The following CCDC171 variants were observed in gnomAD, a reference collection of about 807,000 sequenced individuals.
CCDC171 encodes coiled-coil domain containing 171, also known as coiled-coil domain-containing protein 171.
Under a neutral mutation model 168.2 loss-of-function variants are expected in CCDC171, and 177 were observed. That is an observed-to-expected ratio of 1.05 (90% CI 0.93 to 1.19). The LOEUF is 1.19. Ranked by LOEUF, CCDC171 falls within the 50% of genes most tolerant of loss-of-function variation. The pLI, the probability that CCDC171 is intolerant of heterozygous loss-of-function variation, is 0.00. For synonymous variants in CCDC171, 687 were observed against 540.8 expected (o/e 1.27, Z -3.75); for missense variants, 1,991 against 1,539.0 (o/e 1.29, Z -4.91).
intron 23 of CCDC171, among the ~76,000 whole-genome samples, chr9:15,852,554 A>C (rs180756157): frequency 2.7e-4 from 41 of 151,780 alleles, no homozygotes; most frequent in African/African-American, 8.7e-4. Flanking sequence ...CTATTTAAAT[A>C]GTGTCCTTTC....
intron 23 of CCDC171, among the ~76,000 whole-genome samples, chr9:15,854,297 G>C (rs187101770): frequency 6.6e-6 from 1 of 151,316 alleles, no homozygotes; most frequent in East Asian, 1.9e-4. Flanking sequence ...TTCAGATTTT[G>C]TGTTTCTTTT....
At chr9:15,557,425 G>C (rs999807251) in intron 1 of CCDC171, among the ~76,000 whole-genome samples, 2 of 152,002 alleles carry the variant, frequency 1.3e-5, no homozygotes, top group Non-Finnish European at 2.9e-5. Flanking sequence ...GTTGAGCAGT[G>C]GTTTGTAGTT....
Position 15,793,551 on chromosome 9 carries a change from GTTTTTTTTTTT to G in CCDC171, c.3267+8876_3267+8886del, listed in dbSNP as rs3082839. On this transcript the variant is annotated intron_variant, in intron 21 of 25. Transcript: ENST00000380701. Reference sequence around the variant, plus strand: ...AGCACCACATCGCACTTATTCCAAGGTTTTTTTTTTTTTTTTTTTTTTTTTTTTTGAGACAG... The same window carrying G: ...AGCACCACATCGCACTTATTCCAAGGTTTTTTTTTTTTTTTTTTGAGACAG... 1.2e-3 allele frequency among the ~76,000 whole-genome samples: 93 copies of G among 77,054 alleles called. 1 individual carries two copies. The highest frequency in any genetic ancestry group is 4.3e-3 in the African/African-American group (67 of 15,542). 50.6% of individuals were successfully genotyped at this position (77,054 alleles called of 152,430 possible). A position where few individuals can be genotyped will look rare whatever the true frequency, so the allele number is the denominator to read the frequency against.
Position 15,896,304 on chromosome 9 carries a change from A to T in CCDC171, c.3600+21641A>T, listed in dbSNP as rs905194135. The stretch of plus-strand genomic sequence containing the variant: ...AAGTTTAGAGTCTAAACAAGATACA[A>T]AGAAAACATCATTTAAAAAAAGTCT... On this transcript the variant is annotated intron_variant, in intron 24 of 25. Transcript: ENST00000380701. 2.6e-5 allele frequency among the ~76,000 whole-genome samples: 4 copies of T among 152,010 alleles called. No homozygotes were observed. In the South Asian group the frequency reaches 6.2e-4, roughly 24 times the overall value.
intron 2 of CCDC171, among the ~76,000 whole-genome samples, chr9:15,564,706 A>C (rs575063065): frequency 6.6e-5 from 10 of 152,350 alleles, no homozygotes; most frequent in Non-Finnish European, 1.3e-4. Flanking sequence ...TCTATAATAC[A>C]AAACTGGACC....
chr9:15,945,636 G>A (rs199975984), intron 25 of CCDC171, among the ~76,000 whole-genome samples: 2 of 143,726 alleles, frequency 1.4e-5, no homozygotes, highest in African/African-American at 2.5e-5. Flanking sequence ...GCCAGTGATG[G>A]TGAGCATTTT....
intron 11 of CCDC171, 88 bp downstream of exon 11, chr9:15,695,425 C>T (rs2051140521): frequency 1.1e-6 from 1 of 876,000 alleles, no homozygotes; most frequent in Non-Finnish European, 1.9e-6. Context: ...CTCTTGTAGT[C>T]CCTCATCTCA....
intron 7 of CCDC171, among the ~76,000 whole-genome samples, chr9:15,635,552 G>T (rs1481207892): frequency 6.6e-6 from 1 of 152,112 alleles, no homozygotes; most frequent in Non-Finnish European, 1.5e-5. Flanking sequence ...GCTGGCAGCT[G>T]ATTAGATGGT....
intron 7 of CCDC171, among the ~76,000 whole-genome samples, chr9:15,653,827 G>A (rs1391549975): frequency 6.6e-6 from 1 of 151,818 alleles, no homozygotes; most frequent in East Asian, 1.9e-4. Flanking sequence ...CTGTTGCCCA[G>A]GCTGGTCTCA....
chr9:15,952,451 A>T (rs200078108), intron 25 of CCDC171, among the ~76,000 whole-genome samples: 1 of 152,064 alleles, frequency 6.6e-6, no homozygotes, highest in Non-Finnish European at 1.5e-5. Flanking sequence ...AGGCTGGAGT[A>T]CAATGGCGTG....
intron 6 of CCDC171, among the ~76,000 whole-genome samples, chr9:15,601,164 C>T (rs144888052): frequency 0.011 from 1,656 of 152,282 alleles, 15 homozygotes; most frequent in South Asian, 0.017. Context: ...TCTGACAATC[C>T]TCAGTGAGAT....
Position 16,030,855 on chromosome 9 carries a change from C to T in CCDC171, n.999-4602C>T, listed in dbSNP as rs188135896. ...AACTCCTGGCTTTCCATCTGGGGAA[C>T]GCAGATATTTTTTTCAAGAGGGTGG... On this transcript the variant is annotated intron_variant and non_coding_transcript_variant, in intron 6 of 9. Transcript: ENST00000486641. 7.2e-5 allele frequency among the ~76,000 whole-genome samples: 11 copies of T among 152,226 alleles called. No homozygotes were observed. In the East Asian group the frequency reaches 2.1e-3, roughly 29 times the overall value.
chr9:15,771,483 A>G (rs186023674), intron 18 of CCDC171, among the ~76,000 whole-genome samples: 167 of 152,290 alleles, frequency 1.1e-3, no homozygotes, highest in Middle Eastern at 3.4e-3. Flanking sequence ...CATATTCTAC[A>G]AATGATCATA....
chr9:15,774,454 T>A (rs2057195276), intron 18 of CCDC171, among the ~76,000 whole-genome samples: 1 of 151,754 alleles, frequency 6.6e-6, no homozygotes. Flanking sequence ...AAATAAAAAA[T>A]CATAGATGTT....
intron 18 of CCDC171, among the ~76,000 whole-genome samples, chr9:15,749,711 C>G (rs1382039698): frequency 1.3e-5 from 2 of 152,142 alleles, no homozygotes; most frequent in Non-Finnish European, 2.9e-5. Flanking sequence ...ACAACCTGCT[C>G]CTGAATGACT....
intron 20 of CCDC171, among the ~76,000 whole-genome samples, chr9:15,783,336 G>A (rs2057764185): frequency 6.6e-6 from 1 of 152,118 alleles, no homozygotes; most frequent in Non-Finnish European, 1.5e-5. Context: ...GACAAAGTCT[G>A]TATTCAGTTA....
At chr9:15,976,277 A>T (rs1043370104), downstream of CCDC171, among the ~76,000 whole-genome samples, 1 of 152,180 alleles carries the variant, frequency 6.6e-6, no homozygotes, top group African/African-American at 2.4e-5. Context: ...ATATTAGCAA[A>T]CAGAGAAAAT....
rs2132829650 is a variant in CCDC171, at chr9:15,972,682, C to G, written c.*846C>G. 6.6e-6 allele frequency: 1 copy of G among 152,198 alleles called. No individual in the cohort carries two copies. Among genetic ancestry groups the G allele is most frequent in the African/African-American group, 2.4e-5 (1 of 41,526 alleles). 9.4% of individuals were successfully genotyped at this position (152,198 alleles called of 1,614,324 possible). A position where few individuals can be genotyped will look rare whatever the true frequency, so the allele number is the denominator to read the frequency against. Reference sequence around the variant, plus strand: ...TGGCTGTTTTGACCTTCAAAATAGACTCCTTTTTTGTTTTTGTTGTTGGTA... The same window carrying G: ...TGGCTGTTTTGACCTTCAAAATAGAGTCCTTTTTTGTTTTTGTTGTTGGTA... On this transcript the variant is annotated 3_prime_UTR_variant, in exon 26 of 26. Coordinates refer to ENST00000380701, the MANE Select transcript of CCDC171 (RefSeq NM_173550.4).
chr9:15,782,523 G>A (rs2057718446), intron 20 of CCDC171, among the ~76,000 whole-genome samples: 1 of 152,140 alleles, frequency 6.6e-6, no homozygotes. Flanking sequence ...GGGAACACAC[G>A]TTCTGTTAAA....
Sources: gnomAD v4.1 joint callset for allele counts (sites outside exome capture counted in the v4.1 genomes callset) on GRCh38, gnomAD v4.1.1 for gene constraint, MANE v1.5 for transcripts, NCBI Gene and HGNC (gene_info 2026-07-23, HGNC 2026-07-21) for gene names.